The following TRIM21 variants were observed in gnomAD, a reference collection of about 807,000 sequenced individuals.
TRIM21 encodes E3 ubiquitin-protein ligase TRIM21.
TRIM21 carries 35 observed loss-of-function variants against 36.1 expected under a neutral mutation model. The observed-to-expected ratio is 0.97, with a 90% CI of 0.74 to 1.28. TRIM21 has a LOEUF of 1.28. Among genes scored for constraint, TRIM21 ranks in the 50% most tolerant of loss-of-function variants. The pLI, the probability that TRIM21 is intolerant of heterozygous loss-of-function variation, is 0.00. For synonymous variants in TRIM21, 256 were observed against 211.5 expected (o/e 1.21, Z -1.83); for missense variants, 635 against 570.7 (o/e 1.11, Z -1.15).
chr11:4,389,017 C>T (rs2094959716), intron 3 of TRIM21, among the ~76,000 whole-genome samples: 1 of 152,158 alleles, frequency 6.6e-6, no homozygotes, highest in African/African-American at 2.4e-5. Context: ...ACTGGAAGGT[C>T]ACTCGATGAC....
chr11:4,386,902 C>G (rs2094956827), intron 5 of TRIM21, 66 bp downstream of exon 5: 1 of 1,504,652 alleles, frequency 6.6e-7, no homozygotes, highest in Non-Finnish European at 9.0e-7. Flanking sequence ...CTAATTCAAT[C>G]ACCTTTGTCA....
At chr11:4,391,956 G>T (rs1054680156) in intron 1 of TRIM21, among the ~76,000 whole-genome samples, 1 of 152,046 alleles carries the variant, frequency 6.6e-6, no homozygotes, top group South Asian at 2.1e-4. Flanking sequence ...GTCTGTGTGT[G>T]GGGGAGAAGA....
intron 6 of TRIM21, 23 bp downstream of exon 6, chr11:4,386,134 C>T (rs772731219): frequency 3.1e-5 from 50 of 1,610,372 alleles, no homozygotes; most frequent in African/African-American, 9.4e-5. Context: ...CATTATCCCC[C>T]GCAAAACTAG....
At chr11:4,389,806 A>G in intron 2 of TRIM21, 57 bp from the exon 3 acceptor site, 1 of 1,556,784 alleles carries the variant, frequency 6.4e-7, no homozygotes, top group South Asian at 1.1e-5. Context: ...AGGGTGGGGT[A>G]ATCCTTGCAG....
chr11:4,388,842 A>G (rs1305626819), intron 3 of TRIM21, among the ~76,000 whole-genome samples: 1 of 152,084 alleles, frequency 6.6e-6, no homozygotes, highest in Non-Finnish European at 1.5e-5. Flanking sequence ...AAGCCCAGTC[A>G]CCACTCAAAT....
chr11:4,385,580 C>T lies in TRIM21; in HGVS notation c.1133G>A (p.Trp378Ter). ...TTGTTTGTTCCACAACCAAATTGTC[C>T]AGAAGCCACTCTTGGAACTAAGCAA... ...HFLLSSKSGF[W>*]TIWLWNKQKY... Residue 378 changes from tryptophan (W) to a stop codon, truncating the protein, a stop_gained, in exon 7 of 7, where the codon TGG (tryptophan) becomes TAG (stop). Transcript: ENST00000254436. LOFTEE classifies it low-confidence loss of function (END_TRUNC). 6.2e-7 allele frequency: 1 copy of T among 1,612,624 alleles called. No homozygotes were observed. The highest frequency in any genetic ancestry group is 8.5e-7 in the Non-Finnish European group (1 of 1,179,384).
At position 4,390,271 on chromosome 11, in the gene TRIM21, C is replaced by T. The variant is rs142674871; in HGVS notation, c.139G>A (p.Gly47Arg). Residue 47 changes from glycine to arginine, a missense_variant, in exon 2 of 7, where the codon GGG (glycine) becomes AGG (arginine). Transcript: ENST00000254436. ...CGGCACACAGGACAGACGCTGCCCC[C>T]ACCTTTCCCAACCTGAGAGATGCAT... Reference protein sequence around the residue: ...QECISQVGKGGGSVCPVCRQR... With the variant: ...QECISQVGKGRGSVCPVCRQR... 1.2e-6 allele frequency: 2 copies of T among 1,613,892 alleles called. No individual in the cohort carries two copies. The highest frequency in any genetic ancestry group is 2.2e-5 in the South Asian group (2 of 91,094).
chr11:4,385,312 A>G lies in TRIM21; in HGVS notation c.1401T>C (p.Ile467=). Residue 467 remains isoleucine (I), a synonymous_variant, in exon 7 of 7, where the codon ATT becomes ATC. Transcript: ENST00000254436. ...AATAGTCAGTGGATCCTTGTGATCC[A>G]ATATTCAGTGGACAGAGGGTTAGAG... ...TAPLTLCPLN[I]GSQGSTDY 1 of 1,612,834 alleles carries G rather than the reference A, an allele frequency of 6.2e-7. No individual in the cohort carries two copies. Among genetic ancestry groups the G allele is most frequent in the South Asian group, 1.1e-5 (1 of 90,988 alleles).
chr11:4,390,430 A>G lies in TRIM21; in HGVS notation c.-21T>C. 6.3e-7 allele frequency: 1 copy of G among 1,589,838 alleles called. No individual in the cohort carries two copies. The highest frequency in any genetic ancestry group is 8.6e-7 in the Non-Finnish European group (1 of 1,163,656). On this transcript the variant is annotated 5_prime_UTR_variant, in exon 2 of 7. Transcript: ENST00000254436. ...GCCATTGTCAAGTGTGCCGTTAAAC[A>G]GCAGTGTGGAGACCTTTAGGGGGTT...
intron 6 of TRIM21, 72 bp from the exon 7 acceptor site, chr11:4,385,925 T>C: frequency 7.1e-7 from 1 of 1,410,750 alleles, no homozygotes; most frequent in Non-Finnish European, 9.5e-7. Context: ...GGTGGGGGGA[T>C]TTTGTGTAAA....
chr11:4,389,870 T>C, intron 2 of TRIM21, 121 bp from the exon 3 acceptor site: 3 of 1,503,126 alleles, frequency 2.0e-6, no homozygotes, highest in South Asian at 1.1e-5. Flanking sequence ...GTTTAACTTA[T>C]AATTCTCCTC....
At position 4,386,020 on chromosome 11, in the gene TRIM21, A is replaced by C; in HGVS notation, c.859+137T>G. The C allele has an allele frequency of 2.8e-6, 3 of 1,078,432 alleles. No individual in the cohort carries two copies. The South Asian group carries it at 4.5e-5, about 16-fold the overall frequency. The allele number at this position is 1,078,432 out of a possible 1,614,324, so 66.8% of individuals were successfully genotyped here. A position where few individuals can be genotyped will look rare whatever the true frequency, so the allele number is the denominator to read the frequency against. On this transcript the variant is annotated intron_variant, in intron 6 of 6. Transcript: ENST00000254436. ...CTGGCCTTGGTCCTGACCTCTGAAGAAACCATCTTCCTTACCTCCATCTCT... is the reference window on the plus strand; with the variant it reads ...CTGGCCTTGGTCCTGACCTCTGAAGCAACCATCTTCCTTACCTCCATCTCT...
At position 4,390,153 on chromosome 11, in the gene TRIM21, C is replaced by A. The variant is rs756633675; in HGVS notation, c.257G>T (p.Gly86Val). ...LKEISQEARE[G>V]TQGERCAVHG... ...CACTGCACACCGTTCCCCCTGTGTG[C>A]CCTCTCTGGCCTCCTGGCTGATTTC... Residue 86 changes from glycine to valine, a missense_variant, in exon 2 of 7, where the codon GGC becomes GTC. Coordinates refer to ENST00000254436, the MANE Select transcript of TRIM21 (RefSeq NM_003141.4). 3 of 1,614,042 alleles carry A rather than the reference C, an allele frequency of 1.9e-6. No individual in the cohort carries two copies. The South Asian group carries it at 3.3e-5, about 18-fold the overall frequency.
Position 4,390,362 on chromosome 11 carries a change from G to A in TRIM21, c.48C>T (p.Cys16=). Reference sequence around the variant, plus strand: ...CCACGAAGGGGTCCAGGCAGATAGGGCATGTGACCTCCTCCCACATCATTG... The same window carrying A: ...CCACGAAGGGGTCCAGGCAGATAGGACATGTGACCTCCTCCCACATCATTG... ...RLTMMWEEVT[C]PICLDPFVEP... Residue 16 remains cysteine (C), a synonymous_variant, in exon 2 of 7, where the codon TGC becomes TGT. Transcript: ENST00000254436. 4.3e-6 allele frequency: 7 copies of A among 1,613,400 alleles called. No homozygotes were observed. The highest frequency in any genetic ancestry group is 1.7e-5 in the Admixed American group (1 of 60,006).
intron 1 of TRIM21, among the ~76,000 whole-genome samples, chr11:4,391,066 G>C (rs1248153289): frequency 6.6e-6 from 1 of 152,158 alleles, no homozygotes; most frequent in African/African-American, 2.4e-5. Flanking sequence ...AAGCAAACTT[G>C]GACAAATGGG....
chr11:4,390,793 T>G (rs1323668701), intron 1 of TRIM21, among the ~76,000 whole-genome samples: 1 of 152,172 alleles, frequency 6.6e-6, no homozygotes, highest in African/African-American at 2.4e-5. Context: ...GAGCACATTT[T>G]CAACAAAGCT....
rs1590835673 is a variant in TRIM21, at chr11:4,386,054, T to C, written c.859+103A>G. 9 of 1,203,598 alleles carry C rather than the reference T, an allele frequency of 7.5e-6. No homozygotes were observed. The East Asian group carries it at 2.2e-4, about 29-fold the overall frequency. 74.6% of individuals were successfully genotyped at this position (1,203,598 alleles called of 1,614,324 possible). On this transcript the variant is annotated intron_variant, in intron 6 of 6. Transcript: ENST00000254436. ...TCCTTACCTCCATCTCTGTTCCCCC[T>C]GCTCTGACCTGCCATCTCTCCTCCA...
rs1408722800 is a variant in TRIM21, at chr11:4,390,089, C to T, written c.321G>A (p.Gly107=). The T allele has an allele frequency of 3.1e-6, 5 of 1,613,922 alleles. No homozygotes were observed. The highest frequency in any genetic ancestry group is 4.2e-6 in the Non-Finnish European group (5 of 1,179,906). ...GGGCACATACCCAGCAAAGGGCCTT[C>T]CCATCTTTCTCACAGAACAGGTGAA... ...ERLHLFCEKD[G]KALCWVCAQS... is the part of the protein sequence containing the mutation. The change falls in exon 2 of 7, where the codon GGG becomes GGA. Residue 107 remains glycine (G), a synonymous_variant. Transcript: ENST00000254436.
Position 4,390,309 on chromosome 11 carries a change from C to T in TRIM21, c.101G>A (p.Ser34Asn). 2 of 1,613,968 alleles carry T rather than the reference C, an allele frequency of 1.2e-6. No individual in the cohort carries two copies. The highest frequency in any genetic ancestry group is 1.6e-4 in the Middle Eastern group (1 of 6,062). ...VEPVSIECGH[S>N]FCQECISQVG... ...CTGAGAGATGCATTCCTGGCAGAAG[C>T]TGTGGCCACACTCGATGCTCACAGG... Residue 34 changes from serine (S) to asparagine (N), a missense_variant, in exon 2 of 7, where the codon AGC (serine) becomes AAC (asparagine). Ser to Asn is a conservative substitution (Grantham distance 46, BLOSUM62 1). Coordinates refer to ENST00000254436, the MANE Select transcript of TRIM21 (RefSeq NM_003141.4).
Sources: gnomAD v4.1 joint callset for allele counts (sites outside exome capture counted in the v4.1 genomes callset) on GRCh38, gnomAD v4.1.1 for gene constraint, MANE v1.5 for transcripts, NCBI Gene and HGNC (gene_info 2026-07-23, HGNC 2026-07-21) for gene names.